The following DENND4A variants were observed in gnomAD, a reference collection of about 807,000 sequenced individuals.
DENND4A encodes the protein DENN domain containing 4A, also known as C-myc promoter-binding protein.
A neutral mutation model predicts 199.3 loss-of-function variants in DENND4A; 70 were observed. That is an observed-to-expected ratio of 0.35 (90% CI 0.29 to 0.43). The LOEUF is 0.43. Among genes scored for constraint, DENND4A ranks in the 20% least tolerant of loss-of-function variants. The pLI, the probability that DENND4A is intolerant of heterozygous loss-of-function variation, is 1.00. For missense variants in DENND4A, 1,723 were observed against 2,255.8 expected (o/e 0.76, Z 4.78); for synonymous variants, 686 against 766.9 (o/e 0.89, Z 1.74).
At chr15:65,746,190 C>A (rs1343469308) in intron 4 of DENND4A, among the ~76,000 whole-genome samples, 1 of 150,646 alleles carries the variant, frequency 6.6e-6, no homozygotes, top group Non-Finnish European at 1.5e-5. Context: ...TTTTTACACA[C>A]AAGGTTCAAG....
chr15:65,721,587 T>G (rs986077289), intron 12 of DENND4A, among the ~76,000 whole-genome samples: 2 of 131,268 alleles, frequency 1.5e-5, no homozygotes, highest in Non-Finnish European at 1.6e-5. Flanking sequence ...CTTTAATGAC[T>G]CCACTTAAAA....
At chr15:65,765,252 T>G (rs936365451) in intron 1 of DENND4A, among the ~76,000 whole-genome samples, 2 of 152,196 alleles carry the variant, frequency 1.3e-5, no homozygotes, top group Non-Finnish European at 2.9e-5. Context: ...TTTCTATACA[T>G]GCACAAGAAA....
At chr15:65,767,220 T>C (rs2077010373) in intron 1 of DENND4A, 1 of 152,220 alleles carries the variant, frequency 6.6e-6, no homozygotes, top group East Asian at 1.9e-4. Flanking sequence ...GGAAGGTCCT[T>C]AGAGATATTG....
Position 65,738,742 on chromosome 15 carries a change from A to C in DENND4A, c.765T>G (p.Phe255Leu), listed in dbSNP as rs2076176541. Reference sequence around the variant, plus strand: ...AGGCTCCAGTTAAAACAAAAGTAGAAAATACAGGCAGAGGGTATTTGCTAT... The same window carrying C: ...AGGCTCCAGTTAAAACAAAAGTAGACAATACAGGCAGAGGGTATTTGCTAT... ...PSNSKYPLPV[F>L]STFVLTGASA... Residue 255 changes from phenylalanine (F) to leucine (L), a missense_variant, in exon 6 of 33, where the codon TTT (phenylalanine) becomes TTG (leucine). Physicochemically the swap from Phe to Leu is conservative, Grantham distance 22 (BLOSUM62 0). Transcript: ENST00000443035. 1 of 1,612,148 alleles carries C rather than the reference A, an allele frequency of 6.2e-7. No individual in the cohort carries two copies. Among genetic ancestry groups the C allele is most frequent in the Non-Finnish European group, 8.5e-7 (1 of 1,179,112 alleles).
intron 6 of DENND4A, among the ~76,000 whole-genome samples, chr15:65,738,325 A>G (rs1468533030): frequency 6.6e-6 from 1 of 152,148 alleles, no homozygotes; most frequent in Non-Finnish European, 1.5e-5. Context: ...CGGGACATCA[A>G]TTTCCCTATC....
intron 11 of DENND4A, among the ~76,000 whole-genome samples, chr15:65,725,624 C>T (rs943701989): frequency 2.6e-5 from 4 of 151,150 alleles, no homozygotes; most frequent in Admixed American, 2.6e-4. Flanking sequence ...TTGCAGTGAG[C>T]TGAGATCACG....
chr15:65,706,508 A>ATATAT (rs66959571), intron 14 of DENND4A, among the ~76,000 whole-genome samples: 1 of 136,010 alleles, frequency 7.4e-6, no homozygotes, highest in African/African-American at 2.8e-5. Context: ...ATATATATAT[A>ATATAT]TTTTTTTTTG....
chr15:65,760,541 C>G (rs2076827669), intron 2 of DENND4A, among the ~76,000 whole-genome samples: 1 of 151,512 alleles, frequency 6.6e-6, no homozygotes, highest in Non-Finnish European at 1.5e-5. Flanking sequence ...AGCAGGCAAA[C>G]TAAAGCAGAT....
rs1439338299 is a variant in DENND4A at position 65,659,403 on chromosome 15, A to T, written c.*2448T>A. On this transcript the variant is annotated 3_prime_UTR_variant, in exon 33 of 33. Transcript: ENST00000443035. ...GGCTAGAGTGCAATGGCATGATCAC[A>T]GCTCATTGCAGCCCCAAACCCCCAG... 1.5e-5 allele frequency: 2 copies of T among 134,694 alleles called. No homozygotes were observed. Among genetic ancestry groups the T allele is most frequent in the Non-Finnish European group, 3.0e-5 (2 of 65,988 alleles). 8.3% of individuals were successfully genotyped at this position (134,694 alleles called of 1,614,324 possible).
At chr15:65,723,712 A>T (rs2075717118) in intron 11 of DENND4A, among the ~76,000 whole-genome samples, 1 of 152,186 alleles carries the variant, frequency 6.6e-6, no homozygotes, top group South Asian at 2.1e-4. Context: ...TAGGCACAGT[A>T]AGGGATCGAT....
In DENND4A at chr15:65,765,609, CTGTG is replaced by C. The variant is rs544232887; in HGVS notation, c.-101-4175_-101-4172del. ...TTTCCCCAGTTTTATTTGTATTCAT[CTGTG>C]TGTGTGTTTAGTTCTATGCAGTTTT... On this transcript the variant is annotated intron_variant, in intron 1 of 32. Transcript: ENST00000443035. Among the ~76,000 whole-genome samples the C allele has an allele frequency of 2.9e-3, 447 of 152,310 alleles. 2 individuals carry two copies. Among genetic ancestry groups the C allele is most frequent in the African/African-American group, 0.01 (422 of 41,570 alleles).
intron 2 of DENND4A, among the ~76,000 whole-genome samples, chr15:65,757,436 CATAG>C (rs921702067): frequency 2.0e-5 from 3 of 152,110 alleles, no homozygotes; most frequent in Non-Finnish European, 4.4e-5. Flanking sequence ...CTTCAGACCA[CATAG>C]ATAGAGAATT....
intron 1 of DENND4A, among the ~76,000 whole-genome samples, chr15:65,770,391 G>C (rs1226236345): frequency 6.6e-6 from 1 of 152,080 alleles, no homozygotes; most frequent in African/African-American, 2.4e-5. Flanking sequence ...AATTGTAAAT[G>C]ACATAACTGC....
intron 14 of DENND4A, among the ~76,000 whole-genome samples, chr15:65,711,731 C>T (rs1475690367): frequency 6.6e-6 from 1 of 152,170 alleles, no homozygotes; most frequent in Non-Finnish European, 1.5e-5. Flanking sequence ...AATGGTGTAT[C>T]TACTGTTTGT....
chr15:65,663,198 A>ATTTTTTTTTT (rs139708249), intron 32 of DENND4A, among the ~76,000 whole-genome samples: 2 of 112,346 alleles, frequency 1.8e-5, no homozygotes, highest in African/African-American at 7.4e-5. Flanking sequence ...ATATATATAT[A>ATTTTTTTTTT]TTTTTTTTTT....
chr15:65,724,971 T>C (rs550452686), intron 11 of DENND4A, among the ~76,000 whole-genome samples: 16 of 152,160 alleles, frequency 1.1e-4, no homozygotes, highest in Non-Finnish European at 2.1e-4. Flanking sequence ...ACTCGGGATA[T>C]GTTTGTGGCG....
chr15:65,700,614 G>A lies in DENND4A; in HGVS notation c.2763C>T (p.His921=). The change falls in exon 20 of 33, where the codon CAC becomes CAT. Residue 921 remains histidine, a synonymous_variant. Transcript: ENST00000443035. The part of the protein sequence containing the change: ...HGSMDSGHGT[H]TVEQAPFNTG... ...TATTAAAAGGTGCCTGCTCCACAGT[G>A]TGTGTCCCATGACCACTATCCATGC... 1 of 1,547,446 alleles carries A rather than the reference G, an allele frequency of 6.5e-7. No homozygotes were observed. Among genetic ancestry groups the A allele is most frequent in the Non-Finnish European group, 8.7e-7 (1 of 1,145,198 alleles).
At chr15:65,700,473 A>G (rs2074826610) in intron 20 of DENND4A, 71 bp downstream of exon 20, 2 of 1,059,290 alleles carry the variant, frequency 1.9e-6, no homozygotes, top group Non-Finnish European at 2.4e-6. Context: ...TGAAAATGTA[A>G]AAAAACATAG....
At chr15:65,748,045 AAAAAAAAAAAAAAAAAAAGG>A (rs1299822808) in intron 4 of DENND4A, among the ~76,000 whole-genome samples, 1 of 146,494 alleles carries the variant, frequency 6.8e-6, no homozygotes, top group East Asian at 2.0e-4. Context: ...GTCTCAAAAA[AAAAAAAAAAAAAAAAAAAGG>A]AAAAAAAAAA....
Sources: gnomAD v4.1 joint callset for allele counts (sites outside exome capture counted in the v4.1 genomes callset) on GRCh38, gnomAD v4.1.1 for gene constraint, MANE v1.5 for transcripts, NCBI Gene and HGNC (gene_info 2026-07-23, HGNC 2026-07-21) for gene names.